PRKCB: variants seen among roughly 807,000 people sequenced by gnomAD.
PRKCB encodes the protein protein kinase C beta, also known as protein kinase C beta type.
PRKCB carries 13 observed loss-of-function variants against 81.5 expected under a neutral mutation model. The observed-to-expected ratio is 0.16, with a 90% CI of 0.10 to 0.25. The LOEUF (loss-of-function observed/expected upper bound fraction) is 0.25. Ranked by LOEUF, PRKCB falls within the 10% of genes least tolerant of loss-of-function variation. The pLI is 1.00. For missense variants in PRKCB, 509 were observed against 875.7 expected, an observed-to-expected ratio of 0.58 and a Z score of 5.29; for synonymous variants, 335 against 321.4, an observed-to-expected ratio of 1.04 and a Z score of -0.45.
At chr16:24,144,020 T>A (rs1966949704) in intron 9 of PRKCB, among the ~76,000 whole-genome samples, 1 of 152,218 alleles carries the variant, frequency 6.6e-6, no homozygotes, top group South Asian at 2.1e-4. Flanking sequence ...TAGAGAAAGC[T>A]TATTTTTCTC....
chr16:24,208,556 C>T (rs958431960), intron 16 of PRKCB: 2 of 152,238 alleles, frequency 1.3e-5, no homozygotes, highest in African/African-American at 4.8e-5. Flanking sequence ...TTCTGGCCCC[C>T]ATTCCTGTTC....
rs115801067 is a variant in PRKCB, at chr16:23,996,507, G to A, written c.288+7917G>A. Among the ~76,000 whole-genome samples the A allele has an allele frequency of 4.6e-3, 700 of 152,284 alleles. 7 individuals carry two copies. The highest frequency in any genetic ancestry group is 0.016 in the African/African-American group (672 of 41,558). ...AGGGGTTATCAGCCAGCTACCTGGCGGCAGGTTGATTACATTGGACCCCTT... is the reference window on the plus strand; with the variant it reads ...AGGGGTTATCAGCCAGCTACCTGGCAGCAGGTTGATTACATTGGACCCCTT... On this transcript the variant is annotated intron_variant, in intron 3 of 16. Transcript: ENST00000643927.
intron 16 of PRKCB, among the ~76,000 whole-genome samples, chr16:24,210,689 G>A (rs765794214): frequency 2.6e-5 from 4 of 151,856 alleles, no homozygotes; most frequent in Admixed American, 1.3e-4. Flanking sequence ...TGGTAGAGAC[G>A]GGGTTTCACC....
intron 7 of PRKCB, among the ~76,000 whole-genome samples, chr16:24,102,679 CTTTCTTTCCCCTTCAT>C (rs570640188): frequency 4.6e-4 from 70 of 152,234 alleles, no homozygotes; most frequent in African/African-American, 1.7e-3. Context: ...ATACTGTCTC[CTTTCTTTCCCCTTCAT>C]TTTCCAGAGG....
chr16:23,859,001 C>T (rs894457282), intron 2 of PRKCB, among the ~76,000 whole-genome samples: 12 of 152,060 alleles, frequency 7.9e-5, no homozygotes, highest in African/African-American at 1.9e-4. Context: ...TGTGGTGGCT[C>T]GTGCTTATAT....
At position 24,032,179 on chromosome 16, in the gene PRKCB, G is replaced by A; in HGVS notation, c.332G>A (p.Ser111Asn). ...AAGTTTAAGATCCACACGTACTCCAGCCCCACGTTTTGTGACCACTGTGGG... is the reference window on the plus strand; with the variant it reads ...AAGTTTAAGATCCACACGTACTCCAACCCCACGTTTTGTGACCACTGTGGG... ...KHKFKIHTYSSPTFCDHCGSL... is the reference protein window; with the variant it reads ...KHKFKIHTYSNPTFCDHCGSL... The change falls in exon 4 of 17, where the codon AGC (serine) becomes AAC (asparagine). Residue 111 changes from serine (S) to asparagine (N), a missense_variant. By Grantham distance (46) the Ser-to-Asn change is conservative (BLOSUM62 1). Coordinates refer to ENST00000643927, the MANE Select transcript of PRKCB (RefSeq NM_002738.7). 1.2e-6 allele frequency: 2 copies of A among 1,613,896 alleles called. No individual in the cohort carries two copies. The highest frequency in any genetic ancestry group is 1.7e-6 in the Non-Finnish European group (2 of 1,179,886).
chr16:24,197,398 T>G (rs969790807), intron 16 of PRKCB, among the ~76,000 whole-genome samples: 3 of 151,560 alleles, frequency 2.0e-5, no homozygotes, highest in Admixed American at 2.0e-4. Context: ...GTGATTTGGT[T>G]GGTAGTAGCA....
At chr16:23,940,531 T>C (rs1964128315) in intron 2 of PRKCB, among the ~76,000 whole-genome samples, 2 of 152,090 alleles carry the variant, frequency 1.3e-5, no homozygotes, top group Non-Finnish European at 2.9e-5. Flanking sequence ...ATTGTGTTGA[T>C]ACCTCTAAGA....
At chr16:23,918,192 T>C (rs1011922227) in intron 2 of PRKCB, among the ~76,000 whole-genome samples, 1 of 151,972 alleles carries the variant, frequency 6.6e-6, no homozygotes, top group Non-Finnish European at 1.5e-5. Flanking sequence ...AACAAAGATG[T>C]AAAGCAAAAC....
intron 3 of PRKCB, among the ~76,000 whole-genome samples, chr16:24,015,328 G>T (rs142410277): frequency 2.0e-5 from 3 of 152,342 alleles, no homozygotes; most frequent in East Asian, 3.9e-4. Flanking sequence ...GAGGCTGCAC[G>T]ACTGGAAATT....
chr16:24,167,878 C>G (rs1250265970), intron 10 of PRKCB, among the ~76,000 whole-genome samples: 1 of 152,212 alleles, frequency 6.6e-6, no homozygotes, highest in Admixed American at 6.5e-5. Context: ...TGAGCTTCAA[C>G]TTTCTCCTCT....
At chr16:23,946,117 T>C (rs1385924870) in intron 2 of PRKCB, among the ~76,000 whole-genome samples, 3 of 152,196 alleles carry the variant, frequency 2.0e-5, no homozygotes, top group African/African-American at 7.2e-5. Context: ...ATGTTTCTGT[T>C]ATTGTACAGC....
intron 2 of PRKCB, among the ~76,000 whole-genome samples, chr16:23,839,767 A>G (rs1962234945): frequency 6.6e-6 from 1 of 152,208 alleles, no homozygotes; most frequent in Non-Finnish European, 1.5e-5. Context: ...CGGAGTCAGT[A>G]ACAGTACCAT....
intron 2 of PRKCB, among the ~76,000 whole-genome samples, chr16:23,885,106 T>C (rs1044966964): frequency 6.6e-6 from 1 of 152,200 alleles, no homozygotes; most frequent in Non-Finnish European, 1.5e-5. Flanking sequence ...TAAGTAATAA[T>C]GATACATGTT....
chr16:24,022,114 G>A (rs1032288317), intron 3 of PRKCB, among the ~76,000 whole-genome samples: 11 of 152,130 alleles, frequency 7.2e-5, no homozygotes, highest in African/African-American at 2.4e-4. Flanking sequence ...GGATGATCAA[G>A]GGGTGATGCT....
chr16:24,064,941 T>G (rs942275107), intron 5 of PRKCB, among the ~76,000 whole-genome samples: 33 of 149,500 alleles, frequency 2.2e-4, no homozygotes, highest in African/African-American at 6.8e-4. Flanking sequence ...TACATATATA[T>G]AGACCGAATA....
intron 2 of PRKCB, among the ~76,000 whole-genome samples, chr16:23,912,670 A>C (rs1963680067): frequency 6.9e-6 from 1 of 144,578 alleles, no homozygotes. Context: ...GTGCCACCTC[A>C]CCCGGCTAAT....
intron 3 of PRKCB, among the ~76,000 whole-genome samples, chr16:23,997,325 A>T: frequency 6.6e-6 from 1 of 152,226 alleles, no homozygotes; most frequent in South Asian, 2.1e-4. Flanking sequence ...ATTACCTGTG[A>T]TTAAGATCAA....
Position 24,200,170 on chromosome 16 carries a change from G to C in PRKCB, c.1863+8940G>C, listed in dbSNP as rs529309272. 3.0e-4 allele frequency among the ~76,000 whole-genome samples: 46 copies of C among 152,278 alleles called. No homozygotes were observed. In the South Asian group the frequency reaches 9.3e-3, roughly 31 times the overall value. On this transcript the variant is annotated intron_variant, in intron 16 of 16. Coordinates refer to ENST00000643927, the MANE Select transcript of PRKCB (RefSeq NM_002738.7). ...TGACTAACCTCTGAAAGAAGGGCAT[G>C]GCAGCATTGAAATGAGGCAGCCGAG... is the stretch of plus-strand genomic sequence containing the variant.
Sources: allele counts gnomAD v4.1 joint callset (sites outside exome capture counted in the v4.1 genomes callset), GRCh38; gene constraint gnomAD v4.1.1; transcripts MANE v1.5; gene names NCBI Gene and HGNC (gene_info 2026-07-23, HGNC 2026-07-21).